TMEM108: variants seen among roughly 807,000 people sequenced by gnomAD.
The protein encoded by TMEM108 is transmembrane protein 108, also known as cancer/testis antigen 124.
A neutral mutation model predicts 35.1 loss-of-function variants in TMEM108; 12 were observed. That is an observed-to-expected ratio of 0.34 (90% confidence interval 0.22 to 0.55). The LOEUF is 0.55. TMEM108 is among the 20% of genes least tolerant of loss of function. The pLI, the probability that TMEM108 is intolerant of heterozygous loss-of-function variation, is 0.89. For missense variants in TMEM108, 680 were observed against 753.3 expected, an observed-to-expected ratio of 0.90 and a Z score of 1.14; for synonymous variants, 287 against 308.6, an observed-to-expected ratio of 0.93 and a Z score of 0.73.
intron 3 of TMEM108, among the ~76,000 whole-genome samples, chr3:133,334,913 A>G (rs539180571): frequency 3.3e-5 from 5 of 152,342 alleles, no homozygotes; most frequent in Non-Finnish European, 5.9e-5. Flanking sequence ...TTAAATAAGC[A>G]TAATTGTTTG....
chr3:133,101,127 C>T (rs545513912), intron 2 of TMEM108, among the ~76,000 whole-genome samples: 1 of 152,198 alleles, frequency 6.6e-6, no homozygotes, highest in South Asian at 2.1e-4. Flanking sequence ...ATGAAAAGAG[C>T]CTTGTATGTA....
At chr3:133,103,624 A>C (rs1283280489) in intron 2 of TMEM108, among the ~76,000 whole-genome samples, 1 of 152,222 alleles carries the variant, frequency 6.6e-6, no homozygotes, top group Non-Finnish European at 1.5e-5. Context: ...GGACAACTAT[A>C]GTGAGCATAG....
intron 2 of TMEM108, among the ~76,000 whole-genome samples, chr3:133,209,577 A>G (rs1945806886): frequency 6.6e-6 from 1 of 152,038 alleles, no homozygotes; most frequent in Non-Finnish European, 1.5e-5. Flanking sequence ...ATTTTCCAAA[A>G]TGGATCTCCT....
chr3:133,271,119 A>G (rs1946765467), intron 3 of TMEM108, among the ~76,000 whole-genome samples: 1 of 152,160 alleles, frequency 6.6e-6, no homozygotes, highest in Non-Finnish European at 1.5e-5. Flanking sequence ...CAATCTTGCC[A>G]TGCCCTTCCC....
At chr3:133,178,168 A>C (rs1261370895) in intron 2 of TMEM108, among the ~76,000 whole-genome samples, 1 of 152,256 alleles carries the variant, frequency 6.6e-6, no homozygotes, top group Admixed American at 6.5e-5. Context: ...AAAAGAGGAT[A>C]CAAACAAATG....
intron 2 of TMEM108, among the ~76,000 whole-genome samples, chr3:133,079,226 A>G (rs1270392440): frequency 1.3e-5 from 2 of 152,202 alleles, no homozygotes; most frequent in Non-Finnish European, 2.9e-5. Context: ...GGAATATGCA[A>G]TGCATATACA....
chr3:133,257,871 C>T (rs1055136211), intron 3 of TMEM108, among the ~76,000 whole-genome samples: 1 of 152,100 alleles, frequency 6.6e-6, no homozygotes, highest in Admixed American at 6.6e-5. Flanking sequence ...ACTGAGCTAT[C>T]CCTGTTTGGA....
At chr3:133,318,578 ATTT>A (rs1323484522) in intron 3 of TMEM108, among the ~76,000 whole-genome samples, 4 of 152,276 alleles carry the variant, frequency 2.6e-5, no homozygotes, top group African/African-American at 7.2e-5. Context: ...TAAGTACCTC[ATTT>A]TTTACTCTAA....
chr3:133,119,973 A>G (rs566475569), intron 2 of TMEM108, among the ~76,000 whole-genome samples: 1 of 152,324 alleles, frequency 6.6e-6, no homozygotes, highest in South Asian at 2.1e-4. Context: ...TAAGGCTTGG[A>G]CTTAGAGAAG....
At chr3:133,269,712 T>C (rs1946745454) in intron 3 of TMEM108, among the ~76,000 whole-genome samples, 1 of 152,346 alleles carries the variant, frequency 6.6e-6, no homozygotes, top group South Asian at 2.1e-4. Flanking sequence ...TTTTCATTGC[T>C]ATTTAGAGTG....
chr3:133,145,221 A>G (rs1944700524), intron 2 of TMEM108, among the ~76,000 whole-genome samples: 1 of 152,304 alleles, frequency 6.6e-6, no homozygotes, highest in South Asian at 2.1e-4. Flanking sequence ...TAAATAGGAA[A>G]TCCTTTCCCC....
At chr3:133,095,837 C>T (rs1482471305) in intron 2 of TMEM108, among the ~76,000 whole-genome samples, 1 of 152,146 alleles carries the variant, frequency 6.6e-6, no homozygotes, top group African/African-American at 2.4e-5. Context: ...ACTGTGTGGC[C>T]CAGTTCCTGG....
chr3:133,216,689 A>G (rs1945914025), intron 2 of TMEM108, among the ~76,000 whole-genome samples: 1 of 151,952 alleles, frequency 6.6e-6, no homozygotes, highest in Admixed American at 6.6e-5. Context: ...ATCGTATGGT[A>G]GTTGTTTTTC....
At chr3:133,174,145 T>C (rs556430506) in intron 2 of TMEM108, among the ~76,000 whole-genome samples, 2 of 152,320 alleles carry the variant, frequency 1.3e-5, no homozygotes, top group East Asian at 3.9e-4. Flanking sequence ...TGCCTGCCAT[T>C]GCTGAAGCTT....
chr3:133,361,299 G>T (rs2072341437), intron 3 of TMEM108, among the ~76,000 whole-genome samples: 1 of 152,200 alleles, frequency 6.6e-6, no homozygotes, highest in Admixed American at 6.5e-5. Context: ...GACAGTCCTG[G>T]ACTGTGGCTC....
intron 2 of TMEM108, among the ~76,000 whole-genome samples, chr3:133,083,475 A>G (rs1340980425): frequency 6.6e-6 from 1 of 152,154 alleles, no homozygotes; most frequent in Non-Finnish European, 1.5e-5. Flanking sequence ...AACCTTCAGA[A>G]GTTTACTTCC....
chr3:133,197,621 C>T (rs551655491), intron 2 of TMEM108, among the ~76,000 whole-genome samples: 4 of 152,300 alleles, frequency 2.6e-5, no homozygotes, highest in Non-Finnish European at 5.9e-5. Flanking sequence ...ACTCCCATGG[C>T]ATCTGCATTG....
chr3:133,152,630 T>C (rs1450645272), intron 2 of TMEM108, among the ~76,000 whole-genome samples: 2 of 152,140 alleles, frequency 1.3e-5, no homozygotes, highest in Non-Finnish European at 2.9e-5. Flanking sequence ...TTACTTTGAA[T>C]GGAGGAATGA....
intron 2 of TMEM108, among the ~76,000 whole-genome samples, chr3:133,133,156 T>TGCAGGAGCAGCA (rs1553738307): frequency 6.6e-6 from 1 of 150,842 alleles, no homozygotes; most frequent in East Asian, 1.9e-4. Flanking sequence ...ACTTAGTTGA[T>TGCAGGAGCAGCA]GCAGCAGCAG....
Sources: allele counts gnomAD v4.1 joint callset (sites outside exome capture counted in the v4.1 genomes callset), GRCh38; gene constraint gnomAD v4.1.1; transcripts MANE v1.5; gene names NCBI Gene and HGNC (gene_info 2026-07-23, HGNC 2026-07-21).